Variants in MIS18A observed in about 807,000 individuals in gnomAD.
MIS18A encodes the protein MIS18 kinetochore protein A, also known as protein Mis18-alpha.
Under a neutral mutation model 25.0 loss-of-function variants are expected in MIS18A, and 14 were observed. The ratio of observed to expected loss-of-function variants is 0.56; its 90% confidence interval spans 0.37 to 0.88. The LOEUF (loss-of-function observed/expected upper bound fraction) is 0.88, where lower values mean the gene tolerates loss of function less well. MIS18A is among the 40% of genes least tolerant of loss of function. The pLI is 0.00. For missense variants in MIS18A, 292 were observed against 290.8 expected, an observed-to-expected ratio of 1.00 and a Z score of -0.03; for synonymous variants, 134 against 118.6, an observed-to-expected ratio of 1.13 and a Z score of -0.84.
the MIS18A span, among the ~76,000 whole-genome samples, chr21:32,190,516 C>T: frequency 2.2e-4 from 34 of 152,324 alleles, no homozygotes; most frequent in East Asian, 5.4e-3. Context: ...GGAGTTCATA[C>T]AAGCCTGTGG....
chr21:32,183,937 T>C, the MIS18A span, among the ~76,000 whole-genome samples: 1 of 152,248 alleles, frequency 6.6e-6, no homozygotes, highest in South Asian at 2.1e-4. Context: ...GATCTGTTGA[T>C]ACCATCCTTA....
rs775248907 is a variant in MIS18A, at chr21:32,279,035, C to A, written c.-21G>T. ...GCCATTACCTACAAATCGCCCGCGC[C>A]CCAGAGCGCCATGGGAAAAAAAACC... On this transcript the variant is annotated 5_prime_UTR_variant, in exon 1 of 5. Transcript: ENST00000290130. 1.9e-6 allele frequency: 3 copies of A among 1,573,060 alleles called. No homozygotes were observed. Among genetic ancestry groups the A allele is most frequent in the African/African-American group, 2.7e-5 (2 of 73,962 alleles).
chr21:32,184,765 G>T, the MIS18A span, among the ~76,000 whole-genome samples: 81 of 152,226 alleles, frequency 5.3e-4, no homozygotes, highest in Admixed American at 1.7e-3. Context: ...CTTAGTTGCT[G>T]TCCCTGTAGC....
At chr21:32,252,875 G>T in the MIS18A span, among the ~76,000 whole-genome samples, 2 of 152,144 alleles carry the variant, frequency 1.3e-5, no homozygotes, top group East Asian at 3.9e-4. Flanking sequence ...TTTCTGCATC[G>T]TTGGCAGACA....
At chr21:32,184,000 G>T in the MIS18A span, among the ~76,000 whole-genome samples, 1 of 152,170 alleles carries the variant, frequency 6.6e-6, no homozygotes, top group Non-Finnish European at 1.5e-5. Context: ...AAAATACCAA[G>T]TTATATATGA....
the MIS18A span, among the ~76,000 whole-genome samples, chr21:32,214,236 C>T: frequency 2.9e-3 from 448 of 152,296 alleles, 1 homozygote; most frequent in Non-Finnish European, 5.0e-3. Context: ...CCCCCATTCT[C>T]AGATGGGACA....
the MIS18A span, among the ~76,000 whole-genome samples, chr21:32,211,634 C>A: frequency 1.3e-5 from 2 of 152,154 alleles, no homozygotes; most frequent in Non-Finnish European, 2.9e-5. Context: ...GGCATGCAAC[C>A]CATGATGGAA....
chr21:32,269,191 A>G (rs1322218457), intron 4 of MIS18A, 74 bp from the exon 5 acceptor site: 1 of 1,099,698 alleles, frequency 9.1e-7, no homozygotes, highest in Non-Finnish European at 1.3e-6. Flanking sequence ...AAATATAATT[A>G]AGATATACAC....
At chr21:32,265,152 G>A (rs982724126), downstream of MIS18A, among the ~76,000 whole-genome samples, 1 of 152,228 alleles carries the variant, frequency 6.6e-6, no homozygotes, top group East Asian at 1.9e-4. Context: ...CTCCTGCTGA[G>A]AGGTGACAGC....
the MIS18A span, among the ~76,000 whole-genome samples, chr21:32,231,158 C>T: frequency 2.0e-5 from 3 of 151,118 alleles, no homozygotes; most frequent in Non-Finnish European, 2.9e-5. Flanking sequence ...ATCCCTTGAA[C>T]CTGGGAAGTA....
the MIS18A span, chr21:32,260,084 C>CTTTTTTTT: frequency 6.0e-5 from 7 of 116,982 alleles, 1 homozygote; most frequent in South Asian, 5.5e-4. Flanking sequence ...TTTTTCTCAG[C>CTTTTTTTT]TTTTTTTTTT....
chr21:32,174,838 C>T, the MIS18A span, among the ~76,000 whole-genome samples: 1 of 152,180 alleles, frequency 6.6e-6, no homozygotes, highest in South Asian at 2.1e-4. Context: ...CTCAAGGACA[C>T]ATAAGATATT....
chr21:32,188,134 T>C, the MIS18A span, among the ~76,000 whole-genome samples: 1 of 152,324 alleles, frequency 6.6e-6, no homozygotes, highest in East Asian at 1.9e-4. Context: ...GATCTTGGAC[T>C]TCCAGCCTCC....
chr21:32,239,743 C>G, the MIS18A span, among the ~76,000 whole-genome samples: 2 of 152,158 alleles, frequency 1.3e-5, no homozygotes, highest in Non-Finnish European at 2.9e-5. Flanking sequence ...GAGTTCCACC[C>G]TTAGGTTTGG....
the MIS18A span, among the ~76,000 whole-genome samples, chr21:32,221,742 G>T: frequency 1.3e-3 from 155 of 117,744 alleles, 1 homozygote; most frequent in African/African-American, 5.1e-3. Context: ...AAAAAAAAAA[G>T]ATTAGCTAGA....
At chr21:32,186,430 A>G in the MIS18A span, among the ~76,000 whole-genome samples, 5 of 152,248 alleles carry the variant, frequency 3.3e-5, no homozygotes, top group Non-Finnish European at 4.4e-5. Flanking sequence ...AGTAGCATGG[A>G]TGCTGTGTCC....
At chr21:32,179,407 A>G in the MIS18A span, among the ~76,000 whole-genome samples, 171 of 151,878 alleles carry the variant, frequency 1.1e-3, no homozygotes, top group African/African-American at 3.9e-3. Flanking sequence ...GTGGGCCAAG[A>G]TCACCTCCTA....
At chr21:32,198,945 G>A in the MIS18A span, among the ~76,000 whole-genome samples, 1 of 151,856 alleles carries the variant, frequency 6.6e-6, no homozygotes, top group East Asian at 1.9e-4. Context: ...AAATACAGTC[G>A]TGGGCACCAT....
the MIS18A span, among the ~76,000 whole-genome samples, chr21:32,227,996 T>C: frequency 6.6e-6 from 1 of 152,222 alleles, no homozygotes; most frequent in East Asian, 1.9e-4. Context: ...CATCCTTTCA[T>C]GATAAAAACA....
Sources: gnomAD v4.1 joint callset for allele counts (sites outside exome capture counted in the v4.1 genomes callset) on GRCh38, gnomAD v4.1.1 for gene constraint, MANE v1.5 for transcripts, NCBI Gene and HGNC (gene_info 2026-07-23, HGNC 2026-07-21) for gene names.